Variants in TSHZ2 observed in about 807,000 individuals in gnomAD.
TSHZ2 encodes the protein teashirt zinc finger homeobox 2.
A neutral mutation model predicts 74.4 loss-of-function variants in TSHZ2; 21 were observed. The ratio of observed to expected loss-of-function variants is 0.28; its 90% CI spans 0.20 to 0.41. The LOEUF is 0.41. Ranked by LOEUF, TSHZ2 falls within the 10% of genes least tolerant of loss-of-function variation. TSHZ2 has a pLI of 1.00. For missense variants in TSHZ2, 1,244 were observed against 1,293.5 expected, an observed-to-expected ratio of 0.96 and a Z score of 0.59; for synonymous variants, 540 against 515.3, an observed-to-expected ratio of 1.05 and a Z score of -0.65.
At chr20:53,027,174 C>A (rs576250852) in intron 1 of TSHZ2, among the ~76,000 whole-genome samples, 3 of 152,034 alleles carry the variant, frequency 2.0e-5, no homozygotes, top group South Asian at 4.2e-4. Flanking sequence ...GGGATAACTT[C>A]CAAAAAGTGG....
At chr20:53,021,405 A>G (rs1328617995) in intron 1 of TSHZ2, among the ~76,000 whole-genome samples, 2 of 152,192 alleles carry the variant, frequency 1.3e-5, no homozygotes, top group Non-Finnish European at 2.9e-5. Flanking sequence ...TCCAAAGCAC[A>G]CTAGTTTAAG....
At chr20:53,281,274 G>A (rs1167031763) in intron 2 of TSHZ2, among the ~76,000 whole-genome samples, 1 of 152,200 alleles carries the variant, frequency 6.6e-6, no homozygotes, top group African/African-American at 2.4e-5. Flanking sequence ...AAGCAGCCAG[G>A]CATCCACTGA....
At chr20:53,419,021 T>G (rs1983372895) in intron 2 of TSHZ2, among the ~76,000 whole-genome samples, 1 of 152,206 alleles carries the variant, frequency 6.6e-6, no homozygotes, top group African/African-American at 2.4e-5. Context: ...AGCCATCCTG[T>G]GCAATGAAGC....
chr20:53,443,268 C>G (rs1371159394), intron 2 of TSHZ2, among the ~76,000 whole-genome samples: 2 of 152,118 alleles, frequency 1.3e-5, no homozygotes, highest in Non-Finnish European at 2.9e-5. Context: ...CTTTATAACT[C>G]TGATAAGTGA....
At chr20:53,233,365 C>T (rs753400233) in intron 1 of TSHZ2, among the ~76,000 whole-genome samples, 7 of 152,058 alleles carry the variant, frequency 4.6e-5, no homozygotes, top group East Asian at 1.9e-4. Flanking sequence ...TGGGAGCAAT[C>T]GAGAAAAATC....
At chr20:53,335,846 C>G (rs1430004143) in intron 2 of TSHZ2, among the ~76,000 whole-genome samples, 1 of 152,154 alleles carries the variant, frequency 6.6e-6, no homozygotes, top group African/African-American at 2.4e-5. Context: ...CTGTGAACTG[C>G]AGTTCCAAAA....
At chr20:53,410,372 AG>A (rs1373712097) in intron 2 of TSHZ2, among the ~76,000 whole-genome samples, 1 of 152,114 alleles carries the variant, frequency 6.6e-6, no homozygotes, top group Non-Finnish European at 1.5e-5. Context: ...TTCACTTAAA[AG>A]TTACTGATGT....
chr20:53,154,213 C>G (rs974010144), intron 1 of TSHZ2, among the ~76,000 whole-genome samples: 1 of 152,122 alleles, frequency 6.6e-6, no homozygotes, highest in African/African-American at 2.4e-5. Context: ...CTTTATCAGG[C>G]TACATCTAAT....
intron 1 of TSHZ2, among the ~76,000 whole-genome samples, chr20:53,079,470 A>G (rs149656461): frequency 0.015 from 2,334 of 152,322 alleles, 33 homozygotes; most frequent in Non-Finnish European, 0.02. Context: ...AATCGCTGCT[A>G]TGTTTAAGGC....
intron 2 of TSHZ2, among the ~76,000 whole-genome samples, chr20:53,285,707 T>C (rs1991151379): frequency 7.0e-6 from 1 of 143,578 alleles, no homozygotes; most frequent in Non-Finnish European, 1.5e-5. Flanking sequence ...CAAGACTCCG[T>C]CTCCATCTCA....
chr20:53,181,211 G>C (rs1988459508), intron 1 of TSHZ2, among the ~76,000 whole-genome samples: 1 of 152,118 alleles, frequency 6.6e-6, no homozygotes, highest in South Asian at 2.1e-4. Flanking sequence ...CATAGCTCCA[G>C]TCACTCTCTG....
At chr20:53,161,319 A>G (rs1987933419) in intron 1 of TSHZ2, among the ~76,000 whole-genome samples, 2 of 152,058 alleles carry the variant, frequency 1.3e-5, no homozygotes, top group African/African-American at 4.8e-5. Context: ...GGAAAGACCC[A>G]TGGGTGGGAG....
At chr20:53,259,568 A>G (rs555405093) in intron 2 of TSHZ2, among the ~76,000 whole-genome samples, 42 of 152,352 alleles carry the variant, frequency 2.8e-4, no homozygotes, top group African/African-American at 9.9e-4. Flanking sequence ...ACTGTGTAAT[A>G]TAGTGTACAA....
At chr20:53,345,296 A>G (rs1208434912) in intron 2 of TSHZ2, among the ~76,000 whole-genome samples, 1 of 152,092 alleles carries the variant, frequency 6.6e-6, no homozygotes, top group Non-Finnish European at 1.5e-5. Context: ...TTCTCTCACA[A>G]GGCAGTCACT....
chr20:53,438,699 G>A (rs559385716), intron 2 of TSHZ2, among the ~76,000 whole-genome samples: 23 of 152,292 alleles, frequency 1.5e-4, no homozygotes, highest in African/African-American at 4.8e-4. Flanking sequence ...AGTGGCTCAC[G>A]CCTGTAATCC....
intron 2 of TSHZ2, among the ~76,000 whole-genome samples, chr20:53,278,906 C>G (rs1407103532): frequency 2.0e-5 from 3 of 152,190 alleles, no homozygotes; most frequent in Admixed American, 1.3e-4. Context: ...TAACTTTTGA[C>G]TTCACGAAAA....
intron 2 of TSHZ2, 148 bp from the exon 3 acceptor site, chr20:53,486,996 A>G (rs1172055024): frequency 6.6e-6 from 1 of 152,366 alleles, no homozygotes; most frequent in Non-Finnish European, 1.5e-5. Context: ...CATGTTTCAC[A>G]GTCTGGTTAT....
intron 2 of TSHZ2, among the ~76,000 whole-genome samples, chr20:53,319,080 C>T (rs1044082065): frequency 3.3e-5 from 5 of 152,178 alleles, no homozygotes; most frequent in Non-Finnish European, 7.3e-5. Context: ...CTCACCAGGT[C>T]CCTCCCATGA....
intron 1 of TSHZ2, among the ~76,000 whole-genome samples, chr20:52,996,157 T>G (rs1306832377): frequency 6.6e-6 from 1 of 152,070 alleles, no homozygotes; most frequent in African/African-American, 2.4e-5. Context: ...GGGCACACAG[T>G]TTAATAAAAA....
Sources: gnomAD v4.1 joint callset for allele counts (sites outside exome capture counted in the v4.1 genomes callset) on GRCh38, gnomAD v4.1.1 for gene constraint, MANE v1.5 for transcripts, NCBI Gene and HGNC (gene_info 2026-07-23, HGNC 2026-07-21) for gene names.